PRKD2: variants seen among roughly 807,000 people sequenced by gnomAD.
PRKD2 encodes the protein serine/threonine-protein kinase D2.
PRKD2 carries 22 observed loss-of-function variants against 86.0 expected under a neutral mutation model. The ratio of observed to expected loss-of-function variants is 0.26; its 90% CI spans 0.18 to 0.37. PRKD2 has a LOEUF of 0.37. Ranked by LOEUF, PRKD2 falls within the 10% of genes least tolerant of loss-of-function variation. The pLI is 1.00. For missense variants in PRKD2, 818 were observed against 1,199.2 expected (o/e 0.68, Z 4.70); for synonymous variants, 509 against 510.9 (o/e 1.00, Z 0.05).
At chr19:46,681,408 C>T (rs1251865021) in intron 15 of PRKD2, among the ~76,000 whole-genome samples, 7 of 152,014 alleles carry the variant, frequency 4.6e-5, no homozygotes, top group African/African-American at 1.7e-4. Context: ...GCGCACGCCA[C>T]CATTCCCGGC....
chr19:46,698,172 C>A (rs950396491), intron 7 of PRKD2, among the ~76,000 whole-genome samples: 1 of 152,012 alleles, frequency 6.6e-6, no homozygotes, highest in Non-Finnish European at 1.5e-5. Context: ...ACGCCACCAC[C>A]CCTGGCTAAT....
intron 5 of PRKD2, among the ~76,000 whole-genome samples, chr19:46,702,041 T>TTG (rs1555830520): frequency 2.0e-5 from 3 of 150,164 alleles, no homozygotes; most frequent in African/African-American, 7.3e-5. Flanking sequence ...GTTTTTTGTT[T>TTG]TTTTTTTTTT....
intron 10 of PRKD2, among the ~76,000 whole-genome samples, chr19:46,692,997 G>A (rs542299278): frequency 6.6e-6 from 1 of 152,272 alleles, no homozygotes; most frequent in East Asian, 1.9e-4. Context: ...GCTCCAGAGG[G>A]TGGGAACCTG....
At chr19:46,692,101 T>A (rs555582088) in intron 10 of PRKD2, 116 bp from the exon 11 acceptor site, 2 of 989,674 alleles carry the variant, frequency 2.0e-6, no homozygotes, top group Non-Finnish European at 3.2e-6. Context: ...CAATGTTCGA[T>A]ACAATGTGCA....
At chr19:46,684,816 A>G (rs1484646483) in intron 14 of PRKD2, among the ~76,000 whole-genome samples, 1 of 152,008 alleles carries the variant, frequency 6.6e-6, no homozygotes, top group Non-Finnish European at 1.5e-5. Flanking sequence ...TACAAAAATC[A>G]GCCAGGAATG....
In PRKD2 at chr19:46,712,777, C is replaced by T. The variant is rs77394253; in HGVS notation, c.379+1086G>A. Among the ~76,000 whole-genome samples, 124 of 152,330 alleles carry T rather than the reference C, an allele frequency of 8.1e-4. 1 individual carries two copies. The highest frequency in any genetic ancestry group is 2.7e-3 in the African/African-American group (111 of 41,558). On this transcript the variant is annotated intron_variant, in intron 2 of 17. Coordinates refer to ENST00000291281, the MANE Select transcript of PRKD2 (RefSeq NM_016457.5). ...GGGAAGGCAGCCATGAAAAAGGCAGCTGCCCCCACCCTCAAGAGGGACCAA... is the reference window on the plus strand; with the variant it reads ...GGGAAGGCAGCCATGAAAAAGGCAGTTGCCCCCACCCTCAAGAGGGACCAA...
chr19:46,677,060 C>CAAA (rs11397034), intron 16 of PRKD2: 5 of 127,664 alleles, frequency 3.9e-5, no homozygotes, highest in Non-Finnish European at 6.6e-5. Flanking sequence ...GACCCCACCT[C>CAAA]AAAAAAAAAA....
intron 6 of PRKD2, 40 bp from the exon 7 acceptor site, chr19:46,700,992 C>T (rs200581715): frequency 6.2e-7 from 1 of 1,614,246 alleles, no homozygotes; most frequent in East Asian, 2.2e-5. Context: ...CCACCCAGTC[C>T]TGCCCCTTCC....
chr19:46,680,674 G>A (rs2053284778), intron 15 of PRKD2, among the ~76,000 whole-genome samples: 1 of 151,642 alleles, frequency 6.6e-6, no homozygotes, highest in Non-Finnish European at 1.5e-5. Flanking sequence ...TGAAGACATA[G>A]TATGAAAAAC....
At chr19:46,704,437 A>G in intron 4 of PRKD2, 46 bp from the exon 5 acceptor site, 2 of 1,613,866 alleles carry the variant, frequency 1.2e-6, no homozygotes, top group Non-Finnish European at 8.5e-7. Flanking sequence ...CGTTGGCCCC[A>G]TGCCTGGGCC....
chr19:46,715,569 G>A (rs968734030), intron 1 of PRKD2, among the ~76,000 whole-genome samples: 1 of 152,172 alleles, frequency 6.6e-6, no homozygotes, highest in Non-Finnish European at 1.5e-5. Context: ...TTAAGAGTAG[G>A]CTAACAGCAC....
At chr19:46,684,614 C>T (rs1226803666) in intron 14 of PRKD2, among the ~76,000 whole-genome samples, 5 of 152,168 alleles carry the variant, frequency 3.3e-5, no homozygotes, top group East Asian at 1.9e-4. Context: ...TGAGCCACCT[C>T]GCCCCGCCCA....
rs201737749 is a variant in PRKD2 at position 46,701,020 on chromosome 19, C to A, written c.967+15G>T. On this transcript the variant is annotated intron_variant, in intron 6 of 17. Coordinates refer to ENST00000291281, the MANE Select transcript of PRKD2 (RefSeq NM_016457.5). ...CCCCTTCCCCTTTCTCCCCAGCATC[C>A]CCCCAGCCTCTCACCTCCATTGATA... is the stretch of plus-strand genomic sequence containing the variant. 8.2e-5 allele frequency: 133 copies of A among 1,614,106 alleles called. No homozygotes were observed. Among genetic ancestry groups the A allele is most frequent in the Non-Finnish European group, 1.1e-4 (127 of 1,180,044 alleles).
chr19:46,686,464 T>G (rs1024265947), intron 14 of PRKD2, among the ~76,000 whole-genome samples: 16 of 137,130 alleles, frequency 1.2e-4, no homozygotes, highest in Non-Finnish European at 1.8e-4. Flanking sequence ...GGCGAGACCT[T>G]GTCTCTACAA....
intron 15 of PRKD2, among the ~76,000 whole-genome samples, chr19:46,679,039 T>A (rs2053256406): frequency 6.6e-6 from 1 of 152,116 alleles, no homozygotes; most frequent in Admixed American, 6.6e-5. Flanking sequence ...AGATTTTTTT[T>A]AATAGCCTCA....
At chr19:46,688,127 C>T (rs142085313) in intron 14 of PRKD2, among the ~76,000 whole-genome samples, 15 of 152,136 alleles carry the variant, frequency 9.9e-5, no homozygotes, top group African/African-American at 3.1e-4. Flanking sequence ...TGGCTTCAAG[C>T]GATCCTCTTG....
At chr19:46,713,810 G>A in intron 2 of PRKD2, 53 bp downstream of exon 2, 4 of 650,512 alleles carry the variant, frequency 6.1e-6, no homozygotes, top group Non-Finnish European at 6.8e-6. Context: ...TCCTCCCCCA[G>A]ATGCCCCGCC....
At chr19:46,679,322 T>C (rs2053260887) in intron 15 of PRKD2, among the ~76,000 whole-genome samples, 1 of 152,068 alleles carries the variant, frequency 6.6e-6, no homozygotes, top group Non-Finnish European at 1.5e-5. Flanking sequence ...ACAGCGAGAC[T>C]CCGTCTCAAA....
At chr19:46,707,360 C>T (rs1044838940) in intron 3 of PRKD2, among the ~76,000 whole-genome samples, 1 of 151,874 alleles carries the variant, frequency 6.6e-6, no homozygotes, top group African/African-American at 2.4e-5. Context: ...AATCCCAGCA[C>T]TTGGGGAGGC....
Sources: gnomAD v4.1 joint callset for allele counts (sites outside exome capture counted in the v4.1 genomes callset) on GRCh38, gnomAD v4.1.1 for gene constraint, MANE v1.5 for transcripts, NCBI Gene and HGNC (gene_info 2026-07-23, HGNC 2026-07-21) for gene names.